Variants in GADL1 observed in about 807,000 individuals in gnomAD.
GADL1 encodes acidic amino acid decarboxylase GADL1.
Under a neutral mutation model 69.5 loss-of-function variants are expected in GADL1, and 71 were observed. That is an observed-to-expected ratio of 1.02 (90% CI 0.84 to 1.25). The LOEUF is 1.25. Among genes scored for constraint, GADL1 ranks in the 50% most tolerant of loss-of-function variants. The probability of loss-of-function intolerance (pLI) is 0.00; values close to 1 mark genes in which losing one functional copy is unlikely to be tolerated. For synonymous variants in GADL1, 254 were observed against 214.4 expected (o/e 1.18, Z -1.62); for missense variants, 737 against 631.8 (o/e 1.17, Z -1.79).
chr3:30,852,318 C>T (rs1698160788), intron 4 of GADL1, among the ~76,000 whole-genome samples: 1 of 152,018 alleles, frequency 6.6e-6, no homozygotes, highest in South Asian at 2.1e-4. Context: ...TCAAGACCAG[C>T]CTGGCCAAGA....
At chr3:30,839,855 T>C (rs889275908) in intron 8 of GADL1, among the ~76,000 whole-genome samples, 4 of 150,094 alleles carry the variant, frequency 2.7e-5, no homozygotes, top group African/African-American at 1.0e-4. Context: ...CACAAACAGA[T>C]GAATGGTTAT....
intron 11 of GADL1, among the ~76,000 whole-genome samples, chr3:30,815,033 G>T (rs1185232038): frequency 6.6e-6 from 1 of 151,732 alleles, no homozygotes; most frequent in Non-Finnish European, 1.5e-5. Flanking sequence ...TAAATACTTA[G>T]CCACTAAAAG....
chr3:30,766,714 C>G (rs1559493336), intron 14 of GADL1, among the ~76,000 whole-genome samples: 2 of 152,196 alleles, frequency 1.3e-5, no homozygotes, highest in African/African-American at 2.4e-5. Context: ...CAAGTAAAGA[C>G]AGGAGAGAGC....
At chr3:30,742,921 A>G (rs1503092) in intron 14 of GADL1, among the ~76,000 whole-genome samples, 1 of 151,478 alleles carries the variant, frequency 6.6e-6, no homozygotes, top group Non-Finnish European at 1.5e-5. Context: ...TGAAATTGCT[A>G]CTTAAAGCAT....
chr3:30,839,387 T>C (rs1697926830), intron 8 of GADL1, among the ~76,000 whole-genome samples: 1 of 151,874 alleles, frequency 6.6e-6, no homozygotes, highest in African/African-American at 2.4e-5. Flanking sequence ...AATGTTTTGT[T>C]CTATCAATTG....
chr3:30,735,334 A>G (rs886717999), intron 14 of GADL1, among the ~76,000 whole-genome samples: 1 of 152,178 alleles, frequency 6.6e-6, no homozygotes, highest in Non-Finnish European at 1.5e-5. Flanking sequence ...TTGGCTGTAT[A>G]GTCTTCATGA....
At chr3:30,820,161 A>G (rs1306619439) in intron 11 of GADL1, among the ~76,000 whole-genome samples, 1 of 151,954 alleles carries the variant, frequency 6.6e-6, no homozygotes, top group East Asian at 1.9e-4. Context: ...GTTAATCAGT[A>G]ATACAGAAAA....
intron 14 of GADL1, among the ~76,000 whole-genome samples, chr3:30,764,859 C>T (rs775523144): frequency 7.2e-5 from 11 of 152,266 alleles, no homozygotes; most frequent in East Asian, 1.9e-4. Flanking sequence ...TCTGCTGTGG[C>T]ACTGCCAACA....
At chr3:30,864,344 C>A (rs1194231209) in intron 1 of GADL1, among the ~76,000 whole-genome samples, 1 of 151,556 alleles carries the variant, frequency 6.6e-6, no homozygotes, top group Non-Finnish European at 1.5e-5. Context: ...GTTTCTCTTT[C>A]TCTTTCTCTC....
intron 14 of GADL1, among the ~76,000 whole-genome samples, chr3:30,755,718 T>C (rs1014389740): frequency 2.8e-5 from 4 of 142,136 alleles, no homozygotes; most frequent in African/African-American, 1.0e-4. Flanking sequence ...TCTGACACAT[T>C]GGAAATGTTC....
intron 14 of GADL1, among the ~76,000 whole-genome samples, chr3:30,774,589 ACTTC>A (rs35362438): frequency 0.2 from 30,804 of 151,868 alleles, 6,211 homozygotes; most frequent in African/African-American, 0.53. Context: ...GAATCTTATC[ACTTC>A]CTTATGTATT....
At chr3:30,835,888 T>C (rs1361861235) in intron 9 of GADL1, among the ~76,000 whole-genome samples, 4 of 152,086 alleles carry the variant, frequency 2.6e-5, no homozygotes, top group African/African-American at 4.8e-5. Context: ...GGATTCACAA[T>C]GGACCACGTG....
chr3:30,781,933 C>CAAA, intron 13 of GADL1, among the ~76,000 whole-genome samples: 1 of 152,248 alleles, frequency 6.6e-6, no homozygotes, highest in Non-Finnish European at 1.5e-5. Context: ...TTTCTTGGTA[C>CAAA]TATATTTGAA....
intron 14 of GADL1, among the ~76,000 whole-genome samples, chr3:30,767,190 G>T (rs1417721016): frequency 6.6e-6 from 1 of 152,146 alleles, no homozygotes; most frequent in Non-Finnish European, 1.5e-5. Context: ...TGGTCATGCA[G>T]CCAGTGAGTG....
At chr3:30,893,133 G>A (rs985214186) in intron 1 of GADL1, among the ~76,000 whole-genome samples, 4 of 152,248 alleles carry the variant, frequency 2.6e-5, no homozygotes, top group African/African-American at 9.6e-5. Context: ...TGGGATTATA[G>A]GCGTGAGCCA....
At chr3:30,855,597 C>T (rs190238429) in intron 3 of GADL1, among the ~76,000 whole-genome samples, 17 of 151,800 alleles carry the variant, frequency 1.1e-4, no homozygotes, top group African/African-American at 4.1e-4. Context: ...ATGGCTTGTT[C>T]CAATTTTAAT....
chr3:30,853,367 A>AT (rs77195237), intron 4 of GADL1, among the ~76,000 whole-genome samples: 24,359 of 152,142 alleles, frequency 0.16, 2,523 homozygotes, highest in East Asian at 0.37. Flanking sequence ...AGTGATTTTC[A>AT]TGAATAGTCA....
At chr3:30,768,996 T>C (rs1050453308) in intron 14 of GADL1, among the ~76,000 whole-genome samples, 1 of 152,148 alleles carries the variant, frequency 6.6e-6, no homozygotes, top group African/African-American at 2.4e-5. Flanking sequence ...TATTCTTTGT[T>C]TTTGCAACAA....
At chr3:30,867,423 CATATATATATATATATACACATATATGT>C (rs1463441567) in intron 1 of GADL1, among the ~76,000 whole-genome samples, 1,562 of 115,092 alleles carry the variant, frequency 0.014, 33 homozygotes, top group African/African-American at 0.041. Context: ...TACAATACTA[CATATATATATATATATACACATATATGT>C]ATATATATAC....
Sources: gnomAD v4.1 joint callset for allele counts (sites outside exome capture counted in the v4.1 genomes callset) on GRCh38, gnomAD v4.1.1 for gene constraint, MANE v1.5 for transcripts, NCBI Gene and HGNC (gene_info 2026-07-23, HGNC 2026-07-21) for gene names.